ASB14: variants seen among roughly 807,000 people sequenced by gnomAD.
The protein encoded by ASB14 is ankyrin repeat and SOCS box protein 14.
ASB14 carries 63 observed loss-of-function variants against 55.6 expected under a neutral mutation model. The observed-to-expected ratio is 1.13, with a 90% CI of 0.92 to 1.40. The LOEUF is 1.40. ASB14 is among the 40% of genes most tolerant of loss of function. The pLI is 0.00. For synonymous variants in ASB14, 256 were observed against 259.9 expected (o/e 0.98, Z 0.15); for missense variants, 724 against 710.4 (o/e 1.02, Z -0.22).
intron 7 of ASB14, 108 bp downstream of exon 7, chr3:57,280,189 ATGTTT>A: frequency 7.0e-6 from 3 of 429,942 alleles, no homozygotes; most frequent in Non-Finnish European, 1.2e-5. Context: ...AAAAAAAAGT[ATGTTT>A]AGATTGTGGG....
chr3:57,269,445 A>G lies in ASB14; in HGVS notation c.*196T>C. 1 of 1,295,932 alleles carries G rather than the reference A, an allele frequency of 7.7e-7. No individual in the cohort carries two copies. Among genetic ancestry groups the G allele is most frequent in the Admixed American group, 2.2e-5 (1 of 45,468 alleles). 80.3% of individuals were successfully genotyped at this position (1,295,932 alleles called of 1,614,324 possible). On this transcript the variant is annotated 3_prime_UTR_variant, in exon 11 of 11. Transcript: ENST00000487349. ...TCAGAAGTATGCATACATATTTATG[A>G]CAGAAGAAGTGGCTCTCAAGAATGT...
chr3:57,274,018 A>T (rs1179937919), intron 10 of ASB14, among the ~76,000 whole-genome samples: 1 of 152,018 alleles, frequency 6.6e-6, no homozygotes, highest in East Asian at 1.9e-4. Context: ...TGAAAGATAT[A>T]ATCTACCACT....
chr3:57,279,483 G>A (rs199988461), intron 7 of ASB14, among the ~76,000 whole-genome samples: 26 of 151,762 alleles, frequency 1.7e-4, no homozygotes, highest in East Asian at 5.8e-4. Context: ...GGCGGATCAC[G>A]AGGTTAAGAG....
chr3:57,278,476 C>T lies in ASB14; in HGVS notation c.1332G>A (p.Gly444=). The T allele has an allele frequency of 3.1e-6, 5 of 1,614,166 alleles. No homozygotes were observed. The highest frequency in any genetic ancestry group is 1.1e-5 in the South Asian group (1 of 91,090). Residue 444 remains glycine (G), a synonymous_variant, in exon 8 of 11, where the codon GGG becomes GGA. Transcript: ENST00000487349. ...EVMLRMLLNY[G]YDTERCFDCP... is the part of the protein sequence containing the mutation. Reference sequence around the variant, plus strand: ...AATCAAAACATCGCTCTGTGTCATACCCATAGTTCAGCAGCATCCTGAGCA... The same window carrying T: ...AATCAAAACATCGCTCTGTGTCATATCCATAGTTCAGCAGCATCCTGAGCA...
In ASB14 at chr3:57,278,754, A is replaced by T; in HGVS notation, c.1054T>A (p.Tyr352Asn). 6.2e-7 allele frequency: 1 copy of T among 1,613,600 alleles called. No homozygotes were observed. Among genetic ancestry groups the T allele is most frequent in the Non-Finnish European group, 8.5e-7 (1 of 1,179,768 alleles). ...FMLDQRINKH[Y>N]DDHRKSALYF... is the part of the protein sequence containing the mutation. ...AAAGCTGACTTCCTGTGGTCATCGT[A>T]GTGTTTGTTAATTCTCTGATCCAGC... The change falls in exon 8 of 11, where the codon TAC becomes AAC. Residue 352 changes from tyrosine to asparagine, a missense_variant. Coordinates refer to ENST00000487349, the MANE Select transcript of ASB14 (RefSeq NM_001142733.3).
rs1271574182 is a variant in ASB14, at chr3:57,269,378, G to A, written c.*263C>T. On this transcript the variant is annotated 3_prime_UTR_variant, in exon 11 of 11. Transcript: ENST00000487349. Reference sequence around the variant, plus strand: ...TAGGATGGTGCCAAAATTCATTTTGGTGTTGTATTGTTTGGGTGTAGCTTT... The same window carrying A: ...TAGGATGGTGCCAAAATTCATTTTGATGTTGTATTGTTTGGGTGTAGCTTT... 3.4e-6 allele frequency: 2 copies of A among 581,136 alleles called. No homozygotes were observed. The highest frequency in any genetic ancestry group is 3.4e-5 in the Admixed American group (1 of 29,396). 36.0% of individuals were successfully genotyped at this position (581,136 alleles called of 1,614,324 possible). A position where few individuals can be genotyped will look rare whatever the true frequency, so the allele number is the denominator to read the frequency against.
rs1559521389 is a variant in ASB14 at position 57,279,184 on chromosome 3, T to G, written c.888-264A>C. ...ATTGTCTAAGTACCTGAGAAAAAAG[T>G]TTTATATCTCTTCGGTGGCTTCAGA... On this transcript the variant is annotated intron_variant, in intron 7 of 10. Coordinates refer to ENST00000487349, the MANE Select transcript of ASB14 (RefSeq NM_001142733.3). 2.0e-5 allele frequency among the ~76,000 whole-genome samples: 3 copies of G among 151,538 alleles called. No individual in the cohort carries two copies. In the South Asian group the frequency reaches 6.3e-4, roughly 32 times the overall value.
chr3:57,286,971 A>G (rs1316621638), intron 5 of ASB14, among the ~76,000 whole-genome samples: 3 of 151,940 alleles, frequency 2.0e-5, no homozygotes, highest in Non-Finnish European at 4.4e-5. Context: ...TTGGTTTTTA[A>G]AATATCTGCT....
At chr3:57,276,880 C>T (rs2060993412) in intron 9 of ASB14, 152 bp from the exon 10 acceptor site, 1 of 694,622 alleles carries the variant, frequency 1.4e-6, no homozygotes, top group Non-Finnish European at 2.4e-6. Context: ...TTATTGCAAT[C>T]CTTGTTGTAG....
intron 2 of ASB14, among the ~76,000 whole-genome samples, chr3:57,290,331 A>G (rs1346321751): frequency 1.3e-5 from 2 of 152,132 alleles, no homozygotes; most frequent in Non-Finnish European, 2.9e-5. Context: ...CCATCTTCAA[A>G]GCCAGCATTG....
Position 57,280,915 on chromosome 3 carries a change from G to A in ASB14, c.716-442C>T, listed in dbSNP as rs183319832. ...GCATTTGTTCTGTTTTAGCTTGTTC[G>A]TAGGGGACCATAGTAGGAGACACTG... On this transcript the variant is annotated intron_variant, in intron 6 of 10. Coordinates refer to ENST00000487349, the MANE Select transcript of ASB14 (RefSeq NM_001142733.3). Among the ~76,000 whole-genome samples the A allele has an allele frequency of 1.5e-3, 227 of 152,248 alleles. 1 individual carries two copies. The highest frequency in any genetic ancestry group is 2.4e-3 in the Non-Finnish European group (162 of 68,014).
intron 7 of ASB14, 122 bp from the exon 8 acceptor site, chr3:57,279,042 A>G (rs2061014888): frequency 2.2e-6 from 2 of 902,570 alleles, no homozygotes; most frequent in African/African-American, 1.7e-5. Context: ...AGAACCCACA[A>G]CCAAAAAAAA....
intron 8 of ASB14, 33 bp downstream of exon 8, chr3:57,278,344 T>C (rs764621793): frequency 1.3e-6 from 2 of 1,557,380 alleles, no homozygotes; most frequent in South Asian, 1.1e-5. Flanking sequence ...AAATAATGAC[T>C]GTAAGGGAAT....
Position 57,278,583 on chromosome 3 carries a change from C to T in ASB14, c.1225G>A (p.Gly409Arg). Reference sequence around the variant, plus strand: ...CTGCAGAAGTAATTGACATTGGCCCCATGCCTTAGCAGCAGACTGATCAGC... The same window carrying T: ...CTGCAGAAGTAATTGACATTGGCCCTATGCCTTAGCAGCAGACTGATCAGC... ...YELISLLLRH[G>R]ANVNYFCRVN... The change falls in exon 8 of 11, where the codon GGG (glycine) becomes AGG (arginine). Residue 409 changes from glycine to arginine, a missense_variant. Physicochemically the swap from Gly to Arg is moderately radical, Grantham distance 125. Coordinates refer to ENST00000487349, the MANE Select transcript of ASB14 (RefSeq NM_001142733.3). The T allele has an allele frequency of 6.2e-7, 1 of 1,614,198 alleles. No individual in the cohort carries two copies.
At chr3:57,275,839 A>G (rs2060981367) in intron 10 of ASB14, among the ~76,000 whole-genome samples, 1 of 152,236 alleles carries the variant, frequency 6.6e-6, no homozygotes, top group African/African-American at 2.4e-5. Flanking sequence ...GCAATTATAT[A>G]GTAAATATAT....
chr3:57,281,262 G>A (rs2061038389), intron 6 of ASB14, among the ~76,000 whole-genome samples: 1 of 151,840 alleles, frequency 6.6e-6, no homozygotes, highest in South Asian at 2.1e-4. Context: ...TGTATGTTAA[G>A]TGTTATGTGA....
In ASB14 at chr3:57,278,858, G is replaced by A. The variant is rs1020946673; in HGVS notation, c.950C>T (p.Pro317Leu). ...LAAIKQSGIS[P>L]VHCAAAGAHP... ...TGCTCCTGCTGCTGCACAGTGAACTGGACTGATCCCACTCTGCTTAATGGC... is the reference window on the plus strand; with the variant it reads ...TGCTCCTGCTGCTGCACAGTGAACTAGACTGATCCCACTCTGCTTAATGGC... The change falls in exon 8 of 11, where the codon CCA (proline) becomes CTA (leucine). Residue 317 changes from proline to leucine, a missense_variant. Pro to Leu is a moderately conservative substitution (Grantham distance 98). Coordinates refer to ENST00000487349, the MANE Select transcript of ASB14 (RefSeq NM_001142733.3). The A allele has an allele frequency of 6.2e-7, 1 of 1,613,580 alleles. No homozygotes were observed. The highest frequency in any genetic ancestry group is 1.3e-5 in the African/African-American group (1 of 74,870).
intron 5 of ASB14, among the ~76,000 whole-genome samples, chr3:57,286,289 CTTT>C (rs1174804918): frequency 6.7e-6 from 1 of 148,192 alleles, no homozygotes; most frequent in Non-Finnish European, 1.5e-5. Flanking sequence ...TTTTTTTCAG[CTTT>C]TTATGATTTT....
At chr3:57,284,094 A>ATGTATGTGTGTGTGTGTGTGTGTGTG (rs1553640084) in intron 5 of ASB14, among the ~76,000 whole-genome samples, 66 of 136,534 alleles carry the variant, frequency 4.8e-4, no homozygotes, top group South Asian at 3.4e-3. Flanking sequence ...AACACTGTGT[A>ATGTATGTGTGTGTGTGTGTGTGTGTG]TGTGTGTGTG....
Sources: gnomAD v4.1 joint callset for allele counts (sites outside exome capture counted in the v4.1 genomes callset) on GRCh38, gnomAD v4.1.1 for gene constraint, MANE v1.5 for transcripts, NCBI Gene and HGNC (gene_info 2026-07-23, HGNC 2026-07-21) for gene names.